The following POLR2B variants were observed in gnomAD, a reference collection of about 807,000 sequenced individuals.
POLR2B encodes DNA-directed RNA polymerase II subunit RPB2.
In POLR2B, 57 loss-of-function variants were observed where a neutral mutation model predicts 144.6. The ratio of observed to expected loss-of-function variants is 0.39; its 90% CI spans 0.32 to 0.49. The LOEUF (loss-of-function observed/expected upper bound fraction) is 0.49, where lower values mean the gene tolerates loss of function less well. Ranked by LOEUF, POLR2B falls within the 20% of genes least tolerant of loss-of-function variation. The pLI, the probability that POLR2B is intolerant of heterozygous loss-of-function variation, is 0.83. For synonymous variants in POLR2B, 442 were observed against 469.8 expected (o/e 0.94, Z 0.77); for missense variants, 595 against 1,467.4 (o/e 0.41, Z 9.71).
At position 57,024,115 on chromosome 4, in the gene POLR2B, A is replaced by G. The variant is rs1273679687; in HGVS notation, c.2964+3A>G. The stretch of plus-strand genomic sequence containing the variant: ...TAATTGAATGCCTTCAAGGGAAGGT[A>G]AGAGATGTTCTTCAAAAATATAGAT... On this transcript the variant is annotated splice_donor_region_variant and intron_variant, in intron 21 of 24. Transcript: ENST00000314595. 3 of 1,447,478 alleles carry G rather than the reference A, an allele frequency of 2.1e-6. No individual in the cohort carries two copies. The highest frequency in any genetic ancestry group is 2.9e-6 in the Non-Finnish European group (3 of 1,037,722). The allele number at this position is 1,447,478 out of a possible 1,614,324, so 89.7% of individuals were successfully genotyped here. A position where few individuals can be genotyped will look rare whatever the true frequency, so the allele number is the denominator to read the frequency against.
At chr4:57,028,597 G>A (rs1221990116) in intron 23 of POLR2B, among the ~76,000 whole-genome samples, 1 of 152,174 alleles carries the variant, frequency 6.6e-6, no homozygotes, top group Non-Finnish European at 1.5e-5. Context: ...TGCTAGTAAT[G>A]TTTGGTTCTG....
intron 14 of POLR2B, among the ~76,000 whole-genome samples, chr4:57,016,059 A>C (rs1723356926): frequency 6.6e-6 from 1 of 152,182 alleles, no homozygotes; most frequent in African/African-American, 2.4e-5. Flanking sequence ...GCGTCCGGCA[A>C]GTTAACGATT....
intron 13 of POLR2B, among the ~76,000 whole-genome samples, chr4:57,013,393 ATCTC>A (rs1433499133): frequency 1.4e-5 from 2 of 140,532 alleles, no homozygotes; most frequent in East Asian, 2.0e-4. Flanking sequence ...CTGTCTCTCT[ATCTC>A]TCTATCTCTG....
At chr4:56,994,181 T>A (rs534037434) in intron 3 of POLR2B, among the ~76,000 whole-genome samples, 40 of 152,194 alleles carry the variant, frequency 2.6e-4, no homozygotes, top group African/African-American at 7.7e-4. Flanking sequence ...TGAAAAAAAA[T>A]TTTTAAGAAA....
chr4:57,013,501 C>T (rs1723265582), intron 13 of POLR2B, among the ~76,000 whole-genome samples: 1 of 152,126 alleles, frequency 6.6e-6, no homozygotes, highest in Non-Finnish European at 1.5e-5. Context: ...GCCTTGGCTT[C>T]CCAAAGTGTT....
rs200516642 is a variant in POLR2B, at chr4:57,017,049, G to A, written c.1962G>A (p.Gln654=). Residue 654 remains glutamine (Q), a synonymous_variant, in exon 15 of 25, where the codon CAG becomes CAA. Transcript: ENST00000314595. The surrounding 1 kb of genome is among the most constrained non-coding windows in gnomAD (Gnocchi z 4.8). ...KEREYNNYSW[Q]DLVASGVVEY... ...TGAGTGAATTCTTTTTTAGTTGGCA[G>A]GATCTTGTGGCCAGTGGGGTAGTGG... The A allele has an allele frequency of 8.9e-6, 14 of 1,565,320 alleles. No homozygotes were observed. Among genetic ancestry groups the A allele is most frequent in the Non-Finnish European group, 1.2e-5 (14 of 1,153,850 alleles).
intron 16 of POLR2B, among the ~76,000 whole-genome samples, chr4:57,018,399 G>A (rs1246194299): frequency 6.6e-6 from 1 of 152,144 alleles, no homozygotes; most frequent in Non-Finnish European, 1.5e-5. Flanking sequence ...GATACCTTTT[G>A]AAATACACTT....
At chr4:57,015,113 A>G (rs1321406360) in intron 13 of POLR2B, among the ~76,000 whole-genome samples, 12 of 152,184 alleles carry the variant, frequency 7.9e-5, no homozygotes, top group Non-Finnish European at 1.8e-4. Context: ...TGACTGGGAA[A>G]GTATGGTCAA....
rs1215502649 is a variant in POLR2B at position 57,030,407 on chromosome 4, T to C, written c.3435+8T>C. On this transcript the variant is annotated splice_region_variant and intron_variant, in intron 24 of 24. Transcript: ENST00000314595. The stretch of plus-strand genomic sequence containing the variant: ...TGCCGCAATAAAACCCAGGTGTGTA[T>C]AGACTTTACTGGCAGTTGATATTTG... 6.3e-7 allele frequency: 1 copy of C among 1,584,368 alleles called. No individual in the cohort carries two copies. The highest frequency in any genetic ancestry group is 1.1e-5 in the South Asian group (1 of 88,980).
rs561234601 is a variant in POLR2B at position 57,023,970 on chromosome 4, T to C, written c.2857-35T>C. 1 of 1,163,008 alleles carries C rather than the reference T, an allele frequency of 8.6e-7. No individual in the cohort carries two copies. Among genetic ancestry groups the C allele is most frequent in the East Asian group, 2.4e-5 (1 of 42,120 alleles). 72.0% of individuals were successfully genotyped at this position (1,163,008 alleles called of 1,614,324 possible). A position where few individuals can be genotyped will look rare whatever the true frequency, so the allele number is the denominator to read the frequency against. ...AATGTCAGTTCTAGTTTAGTATATG[T>C]ATCTTTGAGTCCCTTTTAAAATTTT... On this transcript the variant is annotated intron_variant, in intron 20 of 24. Transcript: ENST00000314595. This position sits in a 1 kb window ranked among gnomAD's most constrained non-coding sequence, Gnocchi z 4.3.
At chr4:57,008,148 C>G (rs919882895) in intron 10 of POLR2B, among the ~76,000 whole-genome samples, 4 of 151,804 alleles carry the variant, frequency 2.6e-5, no homozygotes, top group Admixed American at 2.6e-4. Flanking sequence ...GTGTAGCTCA[C>G]TATGCCCTGT....
chr4:57,021,086 G>T, intron 17 of POLR2B, 91 bp downstream of exon 17: 1 of 746,740 alleles, frequency 1.3e-6, no homozygotes, highest in Non-Finnish European at 2.4e-6. Flanking sequence ...GTTTAACTAC[G>T]CCGCACTCCA....
At chr4:57,022,857 G>A (rs112559027) in intron 18 of POLR2B, among the ~76,000 whole-genome samples, 2,607 of 152,218 alleles carry the variant, frequency 0.017, 37 homozygotes, top group Non-Finnish European at 0.028. Context: ...CCTTCCATTG[G>A]GTGGCTCTGT....
Position 57,023,203 on chromosome 4 carries a change from G to T in POLR2B, c.2516-127G>T. Reference sequence around the variant, plus strand: ...GAGTTCAGAATAGTTTGTAATATTTGGAATAAGGGTGTGATTCATGGTATA... The same window carrying T: ...GAGTTCAGAATAGTTTGTAATATTTTGAATAAGGGTGTGATTCATGGTATA... On this transcript the variant is annotated intron_variant, in intron 18 of 24. Coordinates refer to ENST00000314595, the MANE Select transcript of POLR2B (RefSeq NM_000938.3). The surrounding 1 kb of genome is among the most constrained non-coding windows in gnomAD (Gnocchi z 4.3). The T allele has an allele frequency of 8.9e-6, 7 of 784,568 alleles. No homozygotes were observed. Among genetic ancestry groups the T allele is most frequent in the South Asian group, 1.8e-5 (1 of 56,266 alleles). The allele number at this position is 784,568 out of a possible 1,614,324, so 48.6% of individuals were successfully genotyped here.
intron 10 of POLR2B, chr4:57,010,152 T>A: frequency 1.9e-6 from 1 of 514,712 alleles, no homozygotes; most frequent in Non-Finnish European, 3.5e-6. Flanking sequence ...AAACAGAATG[T>A]TTATGTGGTA....
intron 2 of POLR2B, among the ~76,000 whole-genome samples, chr4:56,989,098 C>G (rs1388378969): frequency 6.6e-6 from 1 of 152,042 alleles, no homozygotes; most frequent in Non-Finnish European, 1.5e-5. Context: ...CAAGTAACTT[C>G]ATAAGATGAC....
chr4:56,991,025 G>A (rs557411807), intron 3 of POLR2B, 127 bp downstream of exon 3: 10 of 593,334 alleles, frequency 1.7e-5, no homozygotes, highest in African/African-American at 7.6e-5. Context: ...TTACAGCACC[G>A]TCAATCACTT....
chr4:56,983,368 G>GTTTTTTT (rs11315195), intron 1 of POLR2B, among the ~76,000 whole-genome samples: 2 of 71,306 alleles, frequency 2.8e-5, no homozygotes, highest in Non-Finnish European at 2.6e-5. Flanking sequence ...CTCTGCTCAG[G>GTTTTTTT]TTTTTTTTTT....
rs1723527333 is a variant in POLR2B, at chr4:57,021,012, T to C, written c.2420+17T>C. On this transcript the variant is annotated intron_variant, in intron 17 of 24. Transcript: ENST00000314595. ...CTTCTTCAGGTTAGTATTTTGTAAA[T>C]TTGTCAAAACACAGATACAGTGGAA... 3 of 1,401,252 alleles carry C rather than the reference T, an allele frequency of 2.1e-6. No individual in the cohort carries two copies. The highest frequency in any genetic ancestry group is 3.0e-6 in the Non-Finnish European group (3 of 986,986). The allele number at this position is 1,401,252 out of a possible 1,614,324, so 86.8% of individuals were successfully genotyped here.
Sources: allele counts gnomAD v4.1 joint callset (sites outside exome capture counted in the v4.1 genomes callset), GRCh38; gene constraint gnomAD v4.1.1; non-coding constraint Gnocchi (gnomAD v3.1); transcripts MANE v1.5; gene names NCBI Gene and HGNC (gene_info 2026-07-23, HGNC 2026-07-21).